GRID2: variants seen among roughly 807,000 people sequenced by gnomAD.
GRID2 encodes glutamate receptor ionotropic, delta-2.
Under a neutral mutation model 114.8 loss-of-function variants are expected in GRID2, and 33 were observed. The observed-to-expected ratio is 0.29, with a 90% confidence interval of 0.22 to 0.38. The LOEUF is 0.38. GRID2 is among the 10% of genes least tolerant of loss of function. GRID2 has a pLI of 1.00. For synonymous variants in GRID2, 505 were observed against 449.9 expected (o/e 1.12, Z -1.55); for missense variants, 1,184 against 1,257.7 (o/e 0.94, Z 0.89).
intron 1 of GRID2, among the ~76,000 whole-genome samples, chr4:92,325,327 A>G (rs1726536662): frequency 6.6e-6 from 1 of 151,918 alleles, no homozygotes; most frequent in African/African-American, 2.4e-5. Context: ...AGTAAATGAA[A>G]CAGATTTTGA....
chr4:92,873,745 G>A (rs952562369), intron 2 of GRID2, among the ~76,000 whole-genome samples: 4 of 151,914 alleles, frequency 2.6e-5, no homozygotes, highest in Non-Finnish European at 5.9e-5. Flanking sequence ...ATGGAATTTC[G>A]CTTTTGTTGC....
Position 92,644,549 on chromosome 4 carries a change from G to A in GRID2, c.244+54263G>A, listed in dbSNP as rs147920674. 9.2e-5 allele frequency among the ~76,000 whole-genome samples: 14 copies of A among 151,696 alleles called. 1 individual carries two copies. Among genetic ancestry groups the A allele is most frequent in the African/African-American group, 2.4e-4 (10 of 41,466 alleles). ...GATGTCATACATTTTTATGTTAATCGTTCAGCTTTTTGTCTGGTGAGTAGC... is the reference window on the plus strand; with the variant it reads ...GATGTCATACATTTTTATGTTAATCATTCAGCTTTTTGTCTGGTGAGTAGC... On this transcript the variant is annotated intron_variant, in intron 2 of 15. Coordinates refer to ENST00000282020, the MANE Select transcript of GRID2 (RefSeq NM_001510.4).
At chr4:92,885,355 T>C (rs748059320) in intron 2 of GRID2, among the ~76,000 whole-genome samples, 87 of 152,192 alleles carry the variant, frequency 5.7e-4, no homozygotes, top group Non-Finnish European at 2.2e-4. Flanking sequence ...GTTGTTTGAT[T>C]TTGAGAACTC....
chr4:92,686,961 T>C (rs940558048), intron 2 of GRID2, among the ~76,000 whole-genome samples: 1 of 152,148 alleles, frequency 6.6e-6, no homozygotes, highest in Non-Finnish European at 1.5e-5. Context: ...ATTTGAATGT[T>C]TTTTGAAATT....
In GRID2 at chr4:92,316,565, TAAG is replaced by T. The variant is rs554975294; in HGVS notation, c.88+11824_88+11826del. On this transcript the variant is annotated intron_variant, in intron 1 of 15. Transcript: ENST00000282020. ...TTTTTTTACACCTATTGTGTGGTTATAAGAATACAGATCATTGAAACAAGACAC... is the reference window on the plus strand; with the variant it reads ...TTTTTTTACACCTATTGTGTGGTTATAATACAGATCATTGAAACAAGACAC... 7.7e-4 allele frequency among the ~76,000 whole-genome samples: 117 copies of T among 152,314 alleles called. 1 individual carries two copies. Among genetic ancestry groups the T allele is most frequent in the African/African-American group, 2.6e-3 (108 of 41,566 alleles).
intron 2 of GRID2, among the ~76,000 whole-genome samples, chr4:92,904,700 A>G (rs2149484211): frequency 6.6e-6 from 1 of 152,178 alleles, no homozygotes; most frequent in East Asian, 1.9e-4. Flanking sequence ...CAAGGGCCAA[A>G]CAAATTAAGA....
At chr4:92,680,139 G>A (rs1282771792) in intron 2 of GRID2, among the ~76,000 whole-genome samples, 5 of 152,050 alleles carry the variant, frequency 3.3e-5, no homozygotes, top group African/African-American at 9.7e-5. Flanking sequence ...ATGCAGCTAT[G>A]AGTCTAGCAA....
intron 9 of GRID2, among the ~76,000 whole-genome samples, chr4:93,410,860 G>C (rs1178174383): frequency 1.3e-5 from 2 of 152,216 alleles, no homozygotes; most frequent in Non-Finnish European, 2.9e-5. Context: ...TGGGATAACA[G>C]GCGTGAGCCA....
chr4:92,313,526 G>A (rs1401767777), intron 1 of GRID2, among the ~76,000 whole-genome samples: 2 of 151,948 alleles, frequency 1.3e-5, no homozygotes, highest in African/African-American at 4.8e-5. Context: ...TAAAGGAATG[G>A]AGGGGAAGAC....
chr4:92,443,681 C>T (rs566375763), intron 1 of GRID2, among the ~76,000 whole-genome samples: 226 of 151,928 alleles, frequency 1.5e-3, no homozygotes, highest in Admixed American at 4.7e-3. Context: ...GCCCTGTGCC[C>T]GGAAAAGCTG....
intron 2 of GRID2, among the ~76,000 whole-genome samples, chr4:92,973,148 G>A (rs1184083388): frequency 6.6e-6 from 1 of 152,036 alleles, no homozygotes; most frequent in Non-Finnish European, 1.5e-5. Context: ...TGGGTCAAAT[G>A]GTATTTCTGT....
chr4:93,683,946 A>G (rs561910504), intron 14 of GRID2, among the ~76,000 whole-genome samples: 2 of 152,198 alleles, frequency 1.3e-5, no homozygotes, highest in African/African-American at 4.8e-5. Flanking sequence ...AGGTATAGGG[A>G]CCACTGCAAT....
At chr4:92,579,036 C>T (rs1204422412) in intron 1 of GRID2, among the ~76,000 whole-genome samples, 1 of 152,058 alleles carries the variant, frequency 6.6e-6, no homozygotes, top group African/African-American at 2.4e-5. Context: ...GAGTTTTAAT[C>T]TGAAGTCTTA....
chr4:93,607,498 C>T (rs938935306), intron 13 of GRID2, among the ~76,000 whole-genome samples: 2 of 152,032 alleles, frequency 1.3e-5, no homozygotes, highest in East Asian at 3.9e-4. Flanking sequence ...AACAATGATG[C>T]ACTGAGTATT....
At chr4:93,428,802 A>G (rs1769119212) in intron 10 of GRID2, among the ~76,000 whole-genome samples, 1 of 152,216 alleles carries the variant, frequency 6.6e-6, no homozygotes, top group South Asian at 2.1e-4. Context: ...TATTTACAAC[A>G]CAATATACAT....
chr4:92,658,364 T>G (rs1317422856), intron 2 of GRID2, among the ~76,000 whole-genome samples: 1 of 151,752 alleles, frequency 6.6e-6, no homozygotes, highest in Non-Finnish European at 1.5e-5. Context: ...ATATATAACT[T>G]CAGAAAGAAA....
intron 13 of GRID2, among the ~76,000 whole-genome samples, chr4:93,519,892 G>A (rs761492106): frequency 6.6e-6 from 1 of 152,112 alleles, no homozygotes; most frequent in African/African-American, 2.4e-5. Context: ...TATTACTGGG[G>A]GGAACTCACA....
intron 1 of GRID2, among the ~76,000 whole-genome samples, chr4:92,334,222 A>T (rs538093802): frequency 6.6e-6 from 1 of 152,280 alleles, no homozygotes; most frequent in East Asian, 1.9e-4. Context: ...TTCCACCAAC[A>T]TTCTGATTAT....
At position 92,304,747 on chromosome 4, in the gene GRID2, A is replaced by G; in HGVS notation, c.88+3A>G. 1 of 1,600,576 alleles carries G rather than the reference A, an allele frequency of 6.2e-7. No homozygotes were observed. ...TGCGGATTCGATCATTCACATCGGT[A>G]AGAAAGTGTTGGTGCAGCTCGTGGT... is the stretch of plus-strand genomic sequence containing the variant. On this transcript the variant is annotated splice_donor_region_variant and intron_variant, in intron 1 of 15. Coordinates refer to ENST00000282020, the MANE Select transcript of GRID2 (RefSeq NM_001510.4).
Sources: gnomAD v4.1 joint callset for allele counts (sites outside exome capture counted in the v4.1 genomes callset) on GRCh38, gnomAD v4.1.1 for gene constraint, MANE v1.5 for transcripts, NCBI Gene and HGNC (gene_info 2026-07-23, HGNC 2026-07-21) for gene names.